Variants in TP63 observed in about 807,000 individuals in gnomAD.
The protein encoded by TP63 is tumor protein 63.
In TP63, 17 loss-of-function variants were observed where a neutral mutation model predicts 82.8. The ratio of observed to expected loss-of-function variants is 0.21; its 90% confidence interval spans 0.14 to 0.31. The LOEUF (loss-of-function observed/expected upper bound fraction) is 0.31, where lower values mean the gene tolerates loss of function less well. Ranked by LOEUF, TP63 falls within the 10% of genes least tolerant of loss-of-function variation. The pLI is 1.00. For missense variants in TP63, 648 were observed against 895.3 expected, an observed-to-expected ratio of 0.72 and a Z score of 3.52; for synonymous variants, 330 against 321.7, an observed-to-expected ratio of 1.03 and a Z score of -0.28.
intron 1 of TP63, among the ~76,000 whole-genome samples, chr3:189,690,785 T>A (rs1192933589): frequency 6.6e-6 from 1 of 152,170 alleles, no homozygotes; most frequent in African/African-American, 2.4e-5. Context: ...TTCTGATCAT[T>A]ACTGGATTAT....
chr3:189,697,246 T>A (rs1202059249), intron 1 of TP63, among the ~76,000 whole-genome samples: 1 of 151,288 alleles, frequency 6.6e-6, no homozygotes, highest in African/African-American at 2.4e-5. Flanking sequence ...TTTTTTTTTT[T>A]TTTGCATATG....
intron 4 of TP63, among the ~76,000 whole-genome samples, chr3:189,846,618 G>GTT (rs1198746706): frequency 1.4e-5 from 1 of 69,298 alleles, no homozygotes; most frequent in Non-Finnish European, 3.0e-5. Context: ...TAGGGTGTGT[G>GTT]TGTGTGTGTG....
At chr3:189,606,951 G>C in the TP63 span, among the ~76,000 whole-genome samples, 1 of 152,166 alleles carries the variant, frequency 6.6e-6, no homozygotes, top group Admixed American at 6.5e-5. Context: ...TATGACTTCT[G>C]TCATGCCAGT....
At chr3:189,708,961 C>G (rs1560125580) in intron 1 of TP63, among the ~76,000 whole-genome samples, 1 of 152,098 alleles carries the variant, frequency 6.6e-6, no homozygotes, top group African/African-American at 2.4e-5. Flanking sequence ...TTCACAGTTT[C>G]CACCAAAAGC....
intron 4 of TP63, among the ~76,000 whole-genome samples, chr3:189,856,611 A>G (rs967894011): frequency 7.2e-5 from 11 of 152,044 alleles, no homozygotes; most frequent in Non-Finnish European, 1.5e-4. Context: ...ATCTATGTAG[A>G]TCGTAAGGAA....
chr3:189,860,693 T>C (rs1173892698), intron 4 of TP63, among the ~76,000 whole-genome samples: 2 of 152,116 alleles, frequency 1.3e-5, no homozygotes, highest in African/African-American at 4.8e-5. Context: ...ACCACTAAAA[T>C]TGGAAAATAT....
chr3:189,703,164 T>TGTCTC (rs903569548), intron 1 of TP63, among the ~76,000 whole-genome samples: 3 of 152,220 alleles, frequency 2.0e-5, no homozygotes, highest in African/African-American at 7.2e-5. Context: ...CCGGGCACGG[T>TGTCTC]GTCTCACGCC....
In TP63 at chr3:189,875,609, T is replaced by TATATATATATATATACACAC. The variant is rs1553859651; in HGVS notation, c.1349+2629_1349+2630insCACACATATATATATATATA. On this transcript the variant is annotated intron_variant, in intron 10 of 13. Coordinates refer to ENST00000264731, the MANE Select transcript of TP63 (RefSeq NM_003722.5). ...AAATACATACATATATATATATATA[T>TATATATATATATATACACAC]ATATATATATATATATATATATATA... Among the ~76,000 whole-genome samples, 126 of 62,986 alleles carry TATATATATATATATACACAC rather than the reference T, an allele frequency of 2.0e-3. 5 individuals carry two copies. Among genetic ancestry groups the TATATATATATATATACACAC allele is most frequent in the Admixed American group, 9.8e-3 (63 of 6,400 alleles). 41.3% of individuals were successfully genotyped at this position (62,986 alleles called of 152,430 possible). A position where few individuals can be genotyped will look rare whatever the true frequency, so the allele number is the denominator to read the frequency against.
At chr3:189,810,208 C>G (rs773604414) in intron 4 of TP63, among the ~76,000 whole-genome samples, 12 of 152,100 alleles carry the variant, frequency 7.9e-5, no homozygotes, top group Non-Finnish European at 1.5e-4. Flanking sequence ...GGTGAGTAAA[C>G]TTAGAGTTTA....
chr3:189,732,734 C>G (rs1720264650), intron 1 of TP63, among the ~76,000 whole-genome samples: 1 of 152,158 alleles, frequency 6.6e-6, no homozygotes, highest in African/African-American at 2.4e-5. Flanking sequence ...TAGGTCAGCC[C>G]CATTCCAAAA....
intron 10 of TP63, among the ~76,000 whole-genome samples, chr3:189,876,289 A>G (rs1719212919): frequency 6.6e-6 from 1 of 152,242 alleles, no homozygotes; most frequent in African/African-American, 2.4e-5. Context: ...ATGAAAATAC[A>G]TAACCCTCTT....
intron 5 of TP63, 123 bp downstream of exon 5, chr3:189,864,541 CTTT>C (rs10714778): frequency 0.079 from 16,586 of 210,638 alleles, 59 homozygotes; most frequent in African/African-American, 0.13. Flanking sequence ...ATCAGTCTGC[CTTT>C]TTTTTTTTTT....
intron 4 of TP63, among the ~76,000 whole-genome samples, chr3:189,856,305 G>A (rs1021044528): frequency 6.6e-6 from 1 of 151,474 alleles, no homozygotes; most frequent in African/African-American, 2.4e-5. Flanking sequence ...TACTGGTTAT[G>A]AGGACTGATA....
Position 189,643,744 on chromosome 3 carries a change from A to G in TP63, c.62+12167A>G, listed in dbSNP as rs369238316. ...CTTTTCTTTCTCTGAAAACATCTAC[A>G]TCGCCCATGGTTCTTTAGTAGAAGC... On this transcript the variant is annotated intron_variant, in intron 1 of 13. Transcript: ENST00000264731. Among the ~76,000 whole-genome samples, 6 of 152,294 alleles carry G rather than the reference A, an allele frequency of 3.9e-5. No homozygotes were observed. In the South Asian group the frequency reaches 6.2e-4, roughly 16 times the overall value.
intron 1 of TP63, among the ~76,000 whole-genome samples, chr3:189,687,621 A>C (rs1385590023): frequency 6.6e-6 from 1 of 152,218 alleles, no homozygotes. Context: ...AGGTTACTTA[A>C]AGAATAGCAA....
the TP63 span, among the ~76,000 whole-genome samples, chr3:189,616,040 A>G: frequency 1.3e-5 from 2 of 152,194 alleles, no homozygotes; most frequent in South Asian, 2.1e-4. Flanking sequence ...TTCTTACTGA[A>G]CATACAACTA....
chr3:189,825,285 G>T (rs1381482454), intron 4 of TP63, among the ~76,000 whole-genome samples: 1 of 152,282 alleles, frequency 6.6e-6, no homozygotes, highest in South Asian at 2.1e-4. Context: ...CATTCACAGC[G>T]TGGTGGCTAA....
At chr3:189,598,844 T>C in the TP63 span, among the ~76,000 whole-genome samples, 5 of 152,226 alleles carry the variant, frequency 3.3e-5, no homozygotes, top group Non-Finnish European at 7.4e-5. Flanking sequence ...ATCAGAATCA[T>C]AGAGTTTCTT....
intron 3 of TP63, among the ~76,000 whole-genome samples, chr3:189,742,340 A>G (rs1448115614): frequency 1.3e-5 from 2 of 151,518 alleles, no homozygotes; most frequent in East Asian, 3.9e-4. Flanking sequence ...TTCATGAGGT[A>G]GATAATAATA....
Sources: allele counts gnomAD v4.1 joint callset (sites outside exome capture counted in the v4.1 genomes callset), GRCh38; gene constraint gnomAD v4.1.1; transcripts MANE v1.5; gene names NCBI Gene and HGNC (gene_info 2026-07-23, HGNC 2026-07-21).